ZNF695: variants seen among roughly 807,000 people sequenced by gnomAD.
ZNF695 encodes the protein zinc finger protein SBZF3.
A neutral mutation model predicts 11.2 loss-of-function variants in ZNF695; 11 were observed. That is an observed-to-expected ratio of 0.98 (90% CI 0.62 to 1.62). ZNF695 has a LOEUF of 1.62. Among genes scored for constraint, ZNF695 ranks in the 40% most tolerant of loss-of-function variants. The pLI is 0.00. For missense variants in ZNF695, 559 were observed against 590.5 expected (o/e 0.95, Z 0.55); for synonymous variants, 190 against 201.4 (o/e 0.94, Z 0.48).
intron 1 of ZNF695, among the ~76,000 whole-genome samples, chr1:247,000,530 A>AAT (rs1553315763): frequency 7.9e-5 from 12 of 151,796 alleles, no homozygotes; most frequent in South Asian, 2.1e-4. Flanking sequence ...ATAAATAAAA[A>AAT]ATATATATAT....
At chr1:246,988,746 G>A (rs1009293353) in intron 3 of ZNF695, among the ~76,000 whole-genome samples, 7 of 152,184 alleles carry the variant, frequency 4.6e-5, no homozygotes, top group South Asian at 4.2e-4. Flanking sequence ...ACCTGAGGTC[G>A]GGAATTCAAG....
intron 5 of ZNF695, chr1:246,967,278 C>T: frequency 2.3e-6 from 1 of 438,336 alleles, no homozygotes; most frequent in Non-Finnish European, 4.5e-6. Flanking sequence ...TAAAAAGCCA[C>T]TGGATTGAGA....
chr1:246,959,758 T>C (rs1668117628), intron 5 of ZNF695, among the ~76,000 whole-genome samples: 1 of 152,124 alleles, frequency 6.6e-6, no homozygotes, highest in African/African-American at 2.4e-5. Flanking sequence ...CCTAGACTAT[T>C]GAGCTTGTCA....
rs771853508 is a variant in ZNF695 at position 246,999,938 on chromosome 1, C to T, written c.140G>A (p.Ser47Asn). Residue 47 changes from serine to asparagine, a missense_variant, in exon 2 of 4, where the codon AGC becomes AAC. Transcript: ENST00000339986. The part of the protein sequence containing the change: ...YRNLISLGED[S>N]FNMQFLFHSL... ...GTGAAATAGGAATTGCATATTGAAG[C>T]TATCCTCACCAAGGGAGATCAGGTT... 2 of 1,614,088 alleles carry T rather than the reference C, an allele frequency of 1.2e-6. No homozygotes were observed. Among genetic ancestry groups the T allele is most frequent in the Non-Finnish European group, 1.7e-6 (2 of 1,179,994 alleles).
At chr1:246,981,740 A>G (rs1668715806), downstream of ZNF695, among the ~76,000 whole-genome samples, 1 of 152,180 alleles carries the variant, frequency 6.6e-6, no homozygotes, top group South Asian at 2.1e-4. Context: ...GACAGTGCTA[A>G]TGGTCCCAAT....
intron 4 of ZNF695, among the ~76,000 whole-genome samples, chr1:246,980,192 A>C (rs1012513601): frequency 1.1e-4 from 17 of 150,892 alleles, no homozygotes; most frequent in Admixed American, 3.3e-4. Context: ...AAAAAAAAAA[A>C]AAAAAAAAAA....
At chr1:246,949,346 T>C (rs1667814537) in intron 5 of ZNF695, among the ~76,000 whole-genome samples, 1 of 152,068 alleles carries the variant, frequency 6.6e-6, no homozygotes, top group Non-Finnish European at 1.5e-5. Context: ...ACCCCCACAC[T>C]TTGGGCGGCC....
At chr1:246,957,131 C>T (rs1037885419) in intron 5 of ZNF695, among the ~76,000 whole-genome samples, 2 of 151,900 alleles carry the variant, frequency 1.3e-5, no homozygotes, top group African/African-American at 4.8e-5. Context: ...GCCTGTAATC[C>T]CAACACTTTG....
Position 246,987,061 on chromosome 1 carries a change from A to C in ZNF695, c.1454T>G (p.Ile485Ser). 1 of 1,613,920 alleles carries C rather than the reference A, an allele frequency of 6.2e-7. No individual in the cohort carries two copies. The highest frequency in any genetic ancestry group is 8.5e-7 in the Non-Finnish European group (1 of 1,179,954). ...QSSHLSKHKT[I>S]HTREKPYKCE... ...CTTGTATGGTTTCTCTCTGGTATGAATTGTCTTATGTTTAGAAAGGTGTGA... is the reference window on the plus strand; with the variant it reads ...CTTGTATGGTTTCTCTCTGGTATGACTTGTCTTATGTTTAGAAAGGTGTGA... Residue 485 changes from isoleucine to serine, a missense_variant, in exon 4 of 4, where the codon ATT becomes AGT. Physicochemically the swap from Ile to Ser is moderately radical, Grantham distance 142. Coordinates refer to ENST00000339986, the MANE Select transcript of ZNF695 (RefSeq NM_020394.5).
At chr1:247,007,825 G>T in intron 1 of ZNF695, 81 bp downstream of exon 1, 3 of 1,440,174 alleles carry the variant, frequency 2.1e-6, no homozygotes, top group Admixed American at 2.3e-5. Flanking sequence ...GCCCGGGGCC[G>T]CCAGCGCTGG....
rs1668889522 is a variant in ZNF695 at position 246,987,522 on chromosome 1, T to C, written c.993A>G (p.Lys331=). The part of the protein sequence containing the change: ...EKPYKCEECG[K]VFKLLSYLTQ... ...TAAGGTATGACAACAATTTAAAGACTTTGCCACATTCTTCACACTTGTAGG... is the reference window on the plus strand; with the variant it reads ...TAAGGTATGACAACAATTTAAAGACCTTGCCACATTCTTCACACTTGTAGG... Residue 331 remains lysine (K), a synonymous_variant, in exon 4 of 4, where the codon AAA becomes AAG. Coordinates refer to ENST00000339986, the MANE Select transcript of ZNF695 (RefSeq NM_020394.5). The C allele has an allele frequency of 1.2e-6, 2 of 1,605,138 alleles. No homozygotes were observed. The highest frequency in any genetic ancestry group is 8.5e-7 in the Non-Finnish European group (1 of 1,176,314).
chr1:246,958,265 A>T (rs559618355), intron 5 of ZNF695, among the ~76,000 whole-genome samples: 2 of 151,870 alleles, frequency 1.3e-5, no homozygotes, highest in Non-Finnish European at 2.9e-5. Flanking sequence ...TCACCATGTT[A>T]GCCAGGATGT....
chr1:246,990,195 G>C, intron 3 of ZNF695, among the ~76,000 whole-genome samples: 1 of 38,468 alleles, frequency 2.6e-5, no homozygotes, highest in Non-Finnish European at 6.1e-5. Flanking sequence ...GGAAGGAAAA[G>C]AGAAAGAGAG....
At chr1:246,998,423 C>A (rs1669267475) in intron 3 of ZNF695, among the ~76,000 whole-genome samples, 1 of 152,210 alleles carries the variant, frequency 6.6e-6, no homozygotes, top group Admixed American at 6.5e-5. Flanking sequence ...GTTCAAATTA[C>A]AAATCTCAGT....
chr1:246,983,034 T>C (rs911696615), downstream of ZNF695, among the ~76,000 whole-genome samples: 27 of 151,766 alleles, frequency 1.8e-4, no homozygotes, highest in African/African-American at 6.3e-4. Flanking sequence ...AAACCCTGTC[T>C]CTACTGAAAA....
chr1:246,977,376 C>T (rs971564088), intron 4 of ZNF695, among the ~76,000 whole-genome samples: 5 of 152,236 alleles, frequency 3.3e-5, no homozygotes, highest in Non-Finnish European at 5.9e-5. Context: ...CCTGCTTCAG[C>T]CTCCTGAGTA....
chr1:246,966,948 T>C (rs1321384618), intron 5 of ZNF695: 2 of 428,456 alleles, frequency 4.7e-6, no homozygotes, highest in African/African-American at 4.1e-5. Context: ...TTGTTGTTTT[T>C]ATTTTTTGAG....
At chr1:246,992,319 C>G (rs1402878042) in intron 3 of ZNF695, among the ~76,000 whole-genome samples, 1 of 151,934 alleles carries the variant, frequency 6.6e-6, no homozygotes, top group Non-Finnish European at 1.5e-5. Flanking sequence ...ATTACATGCT[C>G]TCACTTATTT....
At chr1:246,950,391 T>A (rs1667842170) in intron 5 of ZNF695, among the ~76,000 whole-genome samples, 1 of 152,160 alleles carries the variant, frequency 6.6e-6, no homozygotes, top group Non-Finnish European at 1.5e-5. Context: ...GGCTCACGCC[T>A]CTAATCCCAG....
Sources: allele counts gnomAD v4.1 joint callset (sites outside exome capture counted in the v4.1 genomes callset), GRCh38; gene constraint gnomAD v4.1.1; transcripts MANE v1.5; gene names NCBI Gene and HGNC (gene_info 2026-07-23, HGNC 2026-07-21).